GNE: variants seen among roughly 807,000 people sequenced by gnomAD.
GNE encodes the protein glucosamine (UDP-N-acetyl)-2-epimerase/N-acetylmannosamine kinase.
In GNE, 41 loss-of-function variants were observed where a neutral mutation model predicts 61.8. That is an observed-to-expected ratio of 0.66 (90% CI 0.52 to 0.86). The LOEUF is 0.86. GNE is among the 40% of genes least tolerant of loss of function. The pLI is 0.00. For synonymous variants in GNE, 264 were observed against 326.4 expected, an observed-to-expected ratio of 0.81 and a Z score of 2.06; for missense variants, 608 against 909.1, an observed-to-expected ratio of 0.67 and a Z score of 4.26.
intron 2 of GNE, among the ~76,000 whole-genome samples, chr9:36,247,671 C>T (rs748893739): frequency 1.3e-5 from 2 of 151,974 alleles, no homozygotes; most frequent in Non-Finnish European, 2.9e-5. Flanking sequence ...ATCTCAGGCT[C>T]TAGCTAAAAT....
chr9:36,276,726 C>G (rs1292097767), intron 1 of GNE, among the ~76,000 whole-genome samples: 1 of 152,120 alleles, frequency 6.6e-6, no homozygotes, highest in African/African-American at 2.4e-5. Context: ...AAGTAGCAGC[C>G]ACAGAATGAC....
chr9:36,237,777 C>G (rs1829455648), intron 3 of GNE, among the ~76,000 whole-genome samples: 1 of 152,040 alleles, frequency 6.6e-6, no homozygotes, highest in Non-Finnish European at 1.5e-5. Context: ...GCAGTATACT[C>G]TGTACCATAT....
rs1587270252 is a variant in GNE at position 36,217,272 on chromosome 9, A to G, written c.*93T>C. 5 of 860,350 alleles carry G rather than the reference A, an allele frequency of 5.8e-6. No individual in the cohort carries two copies. In the East Asian group the frequency reaches 7.9e-5, roughly 14 times the overall value. 53.3% of individuals were successfully genotyped at this position (860,350 alleles called of 1,614,324 possible). A position where few individuals can be genotyped will look rare whatever the true frequency, so the allele number is the denominator to read the frequency against. Reference sequence around the variant, plus strand: ...CCAAAGTCACCTGCAGTTCAATACCAGATTTGATTGTTAAGAAACGGTCAT... The same window carrying G: ...CCAAAGTCACCTGCAGTTCAATACCGGATTTGATTGTTAAGAAACGGTCAT... On this transcript the variant is annotated 3_prime_UTR_variant, in exon 12 of 12. Transcript: ENST00000642385.
chr9:36,250,021 T>C lies in GNE; in HGVS notation c.-42-624A>G, dbSNP rs80062273. ...CTCTTGTTTAAAAGGTGAGGAAATATCAGCTCTTTATTATTAAAAATTACT... is the reference window on the plus strand; with the variant it reads ...CTCTTGTTTAAAAGGTGAGGAAATACCAGCTCTTTATTATTAAAAATTACT... On this transcript the variant is annotated intron_variant, in intron 1 of 11. Transcript: ENST00000642385. Among the ~76,000 whole-genome samples, 415 of 152,218 alleles carry C rather than the reference T, an allele frequency of 2.7e-3. 2 individuals are homozygous for C. Among genetic ancestry groups the C allele is most frequent in the African/African-American group, 9.5e-3 (393 of 41,542 alleles).
chr9:36,227,248 C>T lies in GNE; in HGVS notation c.1281G>A (p.Lys427=), dbSNP rs1554659670. 2 of 1,603,690 alleles carry T rather than the reference C, an allele frequency of 1.2e-6. No individual in the cohort carries two copies. The highest frequency in any genetic ancestry group is 1.7e-5 in the Admixed American group (1 of 59,972). The change falls in exon 7 of 12, where the codon AAG becomes AAA. Residue 427 remains lysine, a splice_region_variant and synonymous_variant. Transcript: ENST00000642385. ...TNLRVAIVSM[K]GEIVKKYTQF... The stretch of plus-strand genomic sequence containing the variant: ...GTTAGGAGTTTAGGAGTTATTTTAC[C>T]TTCATGCTGACTATTGCAACTCGGA...
chr9:36,273,991 C>T (rs1831144869), intron 1 of GNE, among the ~76,000 whole-genome samples: 1 of 151,716 alleles, frequency 6.6e-6, no homozygotes, highest in African/African-American at 2.4e-5. Flanking sequence ...TCTTAGACAA[C>T]TGAATGACTG....
At chr9:36,234,886 T>C (rs1367922743) in intron 4 of GNE, among the ~76,000 whole-genome samples, 1 of 152,164 alleles carries the variant, frequency 6.6e-6, no homozygotes, top group African/African-American at 2.4e-5. Context: ...TGTTGCAAGG[T>C]AGGTAAATGG....
intron 9 of GNE, among the ~76,000 whole-genome samples, chr9:36,222,280 G>A (rs908567367): frequency 4.6e-5 from 7 of 151,558 alleles, no homozygotes; most frequent in Non-Finnish European, 1.0e-4. Flanking sequence ...TTAGCCGGGC[G>A]TAGTGGCGGG....
chr9:36,260,689 G>A (rs1289583431), upstream of GNE, among the ~76,000 whole-genome samples: 4 of 151,938 alleles, frequency 2.6e-5, no homozygotes, highest in East Asian at 5.8e-4. Flanking sequence ...CTAACATGGT[G>A]AAACCCCATC....
At position 36,227,317 on chromosome 9, in the gene GNE, A is replaced by T; in HGVS notation, c.1212T>A (p.Leu404=). 1 of 1,613,634 alleles carries T rather than the reference A, an allele frequency of 6.2e-7. No homozygotes were observed. Among genetic ancestry groups the T allele is most frequent in the Non-Finnish European group, 8.5e-7 (1 of 1,179,516 alleles). ...ENISQDIDHI[L]ETLSALAVDL... is the part of the protein sequence containing the mutation. Reference sequence around the variant, plus strand: ...CAACGGCCAAGGCACTTAGAGTTTCAAGAATATGGTCAATATCTTGAGAGA... The same window carrying T: ...CAACGGCCAAGGCACTTAGAGTTTCTAGAATATGGTCAATATCTTGAGAGA... Residue 404 remains leucine (L), a synonymous_variant, in exon 7 of 12, where the codon CTT becomes CTA. Transcript: ENST00000642385.
In GNE at chr9:36,227,384, G is replaced by A; in HGVS notation, c.1145C>T (p.Pro382Leu). 2 of 1,611,910 alleles carry A rather than the reference G, an allele frequency of 1.2e-6. No individual in the cohort carries two copies. The highest frequency in any genetic ancestry group is 1.1e-5 in the South Asian group (1 of 91,046). ...KFLKSIDLQE[P>L]LQKKFCFPPV... is the part of the protein sequence containing the mutation. ...AGGAAAGCAGAATTTCTTTTGCAGT[G>A]GCTCTTGAAGATCGATAGATTTGAG... Residue 382 changes from proline (P) to leucine (L), a missense_variant, in exon 7 of 12, where the codon CCA becomes CTA. By Grantham distance (98) the Pro-to-Leu change is moderately conservative (BLOSUM62 -3). Transcript: ENST00000642385.
chr9:36,262,156 CTGTAA>C (rs1830636152), upstream of GNE, among the ~76,000 whole-genome samples: 1 of 151,890 alleles, frequency 6.6e-6, no homozygotes, highest in Non-Finnish European at 1.5e-5. Context: ...GTGTATTTTA[CTGTAA>C]TGTGTTTTAA....
chr9:36,247,276 C>A (rs184168349), intron 2 of GNE, among the ~76,000 whole-genome samples: 1,679 of 151,894 alleles, frequency 0.011, 31 homozygotes, highest in African/African-American at 0.037. Context: ...AGGATGGTCT[C>A]AATCTCTTGA....
chr9:36,221,818 A>G (rs1334236878), intron 9 of GNE, among the ~76,000 whole-genome samples: 1 of 152,086 alleles, frequency 6.6e-6, no homozygotes, highest in Non-Finnish European at 1.5e-5. Context: ...CTGTCTAAAA[A>G]CAAAACAAAA....
In GNE at chr9:36,249,334, G is replaced by C. The variant is rs766420673; in HGVS notation, c.22C>G (p.Arg8Gly). Residue 8 changes from arginine to glycine, a missense_variant, in exon 2 of 12, where the codon CGA becomes GGA. Coordinates refer to ENST00000642385, the MANE Select transcript of GNE (RefSeq NM_005476.7). MEKNGNN[R>G]KLRVCVATCN... ...GTAGCAACACAAACCCGCAGCTTTC[G>C]GTTATTTCCATTCTTCTCCATGATT... is the stretch of plus-strand genomic sequence containing the variant. The C allele has an allele frequency of 8.1e-6, 13 of 1,613,824 alleles. No individual in the cohort carries two copies. The highest frequency in any genetic ancestry group is 1.1e-5 in the Non-Finnish European group (13 of 1,179,782).
At chr9:36,267,176 G>A (rs1830834504) in intron 1 of GNE, among the ~76,000 whole-genome samples, 1 of 152,194 alleles carries the variant, frequency 6.6e-6, no homozygotes, top group African/African-American at 2.4e-5. Flanking sequence ...TACTGATTAA[G>A]ATACTTATAA....
At chr9:36,238,867 A>G (rs1829518088) in intron 3 of GNE, among the ~76,000 whole-genome samples, 2 of 152,280 alleles carry the variant, frequency 1.3e-5, no homozygotes, top group Admixed American at 1.3e-4. Flanking sequence ...TTATAGTTTC[A>G]GATCTTAAAG....
chr9:36,227,446 A>G lies in GNE; in HGVS notation c.1083T>C (p.Tyr361=), dbSNP rs781537262. 1.2e-6 allele frequency: 2 copies of G among 1,604,808 alleles called. No individual in the cohort carries two copies. The highest frequency in any genetic ancestry group is 2.2e-5 in the South Asian group (2 of 90,876). ...FGKQYPCSKI[Y]GDGNAVPRIL... ...TCCTTGGAACAGCATTTCCATCCCC[A>G]TATATCTTTGAACTGCAATATACAA... Residue 361 remains tyrosine, a synonymous_variant, in exon 7 of 12, where the codon TAT becomes TAC. Transcript: ENST00000642385.
At position 36,258,341 on chromosome 9, in the gene GNE, C is replaced by T. The variant is rs1174745900; in HGVS notation, c.-63G>A. On this transcript the variant is annotated 5_prime_UTR_variant, in exon 1 of 12. Transcript: ENST00000642385. ...CTCACCAGACGCCGTCAGAGGCTCC[C>T]TCCCACGCCGCCACCGCGCTCCTCG... is the stretch of plus-strand genomic sequence containing the variant. 2.0e-6 allele frequency: 2 copies of T among 985,382 alleles called. No individual in the cohort carries two copies. Among genetic ancestry groups the T allele is most frequent in the East Asian group, 2.3e-4 (2 of 8,808 alleles). 61.0% of individuals were successfully genotyped at this position (985,382 alleles called of 1,614,324 possible).
Sources: allele counts gnomAD v4.1 joint callset (sites outside exome capture counted in the v4.1 genomes callset), GRCh38; gene constraint gnomAD v4.1.1; transcripts MANE v1.5; gene names NCBI Gene and HGNC (gene_info 2026-07-23, HGNC 2026-07-21).